The following NAA11 variants were observed in gnomAD, a reference collection of about 807,000 sequenced individuals.
NAA11 encodes the protein N-alpha-acetyltransferase 11.
Under a neutral mutation model 16.1 loss-of-function variants are expected in NAA11, and 15 were observed. That is an observed-to-expected ratio of 0.93 (90% CI 0.62 to 1.44). NAA11 has a LOEUF of 1.44. Among genes scored for constraint, NAA11 ranks in the 40% most tolerant of loss-of-function variants. The pLI is 0.00. For synonymous variants in NAA11, 122 were observed against 112.4 expected, an observed-to-expected ratio of 1.09 and a Z score of -0.54; for missense variants, 298 against 291.3, an observed-to-expected ratio of 1.02 and a Z score of -0.17.
intron 1 of NAA11, among the ~76,000 whole-genome samples, chr4:79,309,930 T>G (rs535550646): frequency 1.3e-5 from 2 of 152,218 alleles, no homozygotes; most frequent in South Asian, 4.1e-4. Flanking sequence ...TTAGCCAGGG[T>G]GGTCTTGATC....
the NAA11 span, among the ~76,000 whole-genome samples, chr4:79,193,497 T>C: frequency 1.3e-5 from 2 of 152,152 alleles, no homozygotes; most frequent in Admixed American, 1.3e-4. Flanking sequence ...TTTCCCCATT[T>C]CTTGTTTTTG....
chr4:79,243,318 G>C (rs532778390), intron 2 of NAA11, among the ~76,000 whole-genome samples: 1 of 152,176 alleles, frequency 6.6e-6, no homozygotes, highest in South Asian at 2.1e-4. Flanking sequence ...GAGGAAGGGT[G>C]CTCCCTTTCC....
the NAA11 span, among the ~76,000 whole-genome samples, chr4:79,159,948 A>G: frequency 6.7e-6 from 1 of 148,932 alleles, no homozygotes; most frequent in Non-Finnish European, 1.5e-5. Flanking sequence ...CATCTATTAG[A>G]TATTTTTGTT....
chr4:79,297,658 C>T (rs1723262368), intron 1 of NAA11, among the ~76,000 whole-genome samples: 1 of 152,176 alleles, frequency 6.6e-6, no homozygotes, highest in Non-Finnish European at 1.5e-5. Context: ...ACATGCCAGC[C>T]CCCTCATGCC....
the NAA11 span, among the ~76,000 whole-genome samples, chr4:79,208,312 A>G: frequency 2.0e-5 from 3 of 152,196 alleles, no homozygotes; most frequent in African/African-American, 4.8e-5. Context: ...CAAGTGTTTT[A>G]TTAATAATTA....
At chr4:79,290,857 G>T (rs781591139) in intron 2 of NAA11, among the ~76,000 whole-genome samples, 5 of 152,154 alleles carry the variant, frequency 3.3e-5, no homozygotes, top group African/African-American at 4.8e-5. Context: ...GCATGAAAAT[G>T]AGACAAAACT....
intron 1 of NAA11, among the ~76,000 whole-genome samples, chr4:79,310,834 A>G (rs940236893): frequency 6.6e-6 from 1 of 152,216 alleles, no homozygotes; most frequent in Non-Finnish European, 1.5e-5. Context: ...AGATTTAACT[A>G]TGGGAAGAAG....
the NAA11 span, among the ~76,000 whole-genome samples, chr4:79,173,783 A>G: frequency 6.6e-6 from 1 of 152,138 alleles, no homozygotes; most frequent in East Asian, 1.9e-4. Flanking sequence ...ATGAGAAGAC[A>G]ATGTTAGCTT....
chr4:79,214,474 G>A, the NAA11 span, among the ~76,000 whole-genome samples: 1 of 152,118 alleles, frequency 6.6e-6, no homozygotes, highest in African/African-American at 2.4e-5. Context: ...CTAGATTAAT[G>A]CCATTAGTGT....
the NAA11 span, among the ~76,000 whole-genome samples, chr4:79,194,024 G>A: frequency 3.3e-5 from 5 of 152,072 alleles, no homozygotes; most frequent in Non-Finnish European, 5.9e-5. Flanking sequence ...TTGGCTCTCT[G>A]TCTGTTATTG....
At chr4:79,208,947 A>AAC in the NAA11 span, among the ~76,000 whole-genome samples, 2 of 140,948 alleles carry the variant, frequency 1.4e-5, no homozygotes, top group Non-Finnish European at 3.1e-5. Flanking sequence ...AAAAAAAAAA[A>AAC]CCCCAAAAAA....
At chr4:79,232,695 G>T (rs1400904600) in intron 2 of NAA11, among the ~76,000 whole-genome samples, 1 of 151,910 alleles carries the variant, frequency 6.6e-6, no homozygotes, top group Non-Finnish European at 1.5e-5. Flanking sequence ...TGTTCATGAG[G>T]GATAACATCT....
At chr4:79,243,911 C>T (rs1721748405) in intron 2 of NAA11, among the ~76,000 whole-genome samples, 1 of 152,212 alleles carries the variant, frequency 6.6e-6, no homozygotes. Flanking sequence ...ATGATTCTTC[C>T]CTTAGGGTGG....
chr4:79,187,556 C>T, the NAA11 span, among the ~76,000 whole-genome samples: 3 of 152,106 alleles, frequency 2.0e-5, no homozygotes, highest in Non-Finnish European at 1.5e-5. Flanking sequence ...ATATTAGGTT[C>T]GGAAACGGTA....
chr4:79,187,901 A>C, the NAA11 span, among the ~76,000 whole-genome samples: 2 of 146,498 alleles, frequency 1.4e-5, no homozygotes, highest in African/African-American at 5.0e-5. Context: ...CGGGAGGCTG[A>C]GGCAGGAGAA....
At chr4:79,225,252 A>C (rs4975079), downstream of NAA11, among the ~76,000 whole-genome samples, 106,388 of 151,840 alleles carry the variant, frequency 0.7, 39,890 homozygotes, top group East Asian at 0.89. Flanking sequence ...TTAAAAAAAT[A>C]AGTTTATTAA....
the NAA11 span, among the ~76,000 whole-genome samples, chr4:79,180,236 A>G: frequency 6.6e-6 from 1 of 152,210 alleles, no homozygotes; most frequent in Non-Finnish European, 1.5e-5. Context: ...AAAAATCATA[A>G]TATTCTATCC....
chr4:79,277,069 A>G (rs1349260441), intron 2 of NAA11, among the ~76,000 whole-genome samples: 1 of 152,148 alleles, frequency 6.6e-6, no homozygotes, highest in East Asian at 1.9e-4. Context: ...TTGCATCATG[A>G]TTAAAACTCA....
At chr4:79,174,478 A>G in the NAA11 span, among the ~76,000 whole-genome samples, 1 of 151,450 alleles carries the variant, frequency 6.6e-6, no homozygotes, top group African/African-American at 2.4e-5. Flanking sequence ...CTCAGTAGAG[A>G]GTATGAAGGT....
Sources: gnomAD v4.1 joint callset for allele counts (sites outside exome capture counted in the v4.1 genomes callset) on GRCh38, gnomAD v4.1.1 for gene constraint, MANE v1.5 for transcripts, NCBI Gene and HGNC (gene_info 2026-07-23, HGNC 2026-07-21) for gene names.